The following PABPC4L variants were observed in gnomAD, a reference collection of about 807,000 sequenced individuals.
PABPC4L encodes the protein polyadenylate-binding protein 4-like.
For missense variants in PABPC4L, 452 were observed against 451.4 expected (o/e 1.00, Z -0.01); for synonymous variants, 169 against 164.1 (o/e 1.03, Z -0.23).
At chr4:134,054,056 G>T in the PABPC4L span, among the ~76,000 whole-genome samples, 15 of 151,528 alleles carry the variant, frequency 9.9e-5, no homozygotes, top group African/African-American at 3.4e-4. Context: ...CAGTGACAAA[G>T]AAGTGAGTAT....
the PABPC4L span, among the ~76,000 whole-genome samples, chr4:134,093,532 T>G: frequency 6.6e-6 from 1 of 150,732 alleles, no homozygotes; most frequent in East Asian, 2.0e-4. Context: ...ATTAAAGTCA[T>G]CAAAGACCAG....
chr4:134,087,010 A>G, the PABPC4L span, among the ~76,000 whole-genome samples: 3 of 137,512 alleles, frequency 2.2e-5, no homozygotes, highest in Non-Finnish European at 3.0e-5. Context: ...TGTCCATGTG[A>G]TCTCATTCTT....
chr4:134,010,390 AT>A, the PABPC4L span, among the ~76,000 whole-genome samples: 2 of 152,124 alleles, frequency 1.3e-5, no homozygotes, highest in African/African-American at 4.8e-5. Context: ...AATATCTGGC[AT>A]TTTTATTTTG....
At chr4:134,065,851 C>T in the PABPC4L span, among the ~76,000 whole-genome samples, 3 of 152,060 alleles carry the variant, frequency 2.0e-5, 1 homozygote, top group Non-Finnish European at 4.4e-5. Context: ...GCCAGTTATC[C>T]CAGCACCAAT....
the PABPC4L span, among the ~76,000 whole-genome samples, chr4:134,121,116 A>C: frequency 1.3e-5 from 2 of 151,224 alleles, no homozygotes; most frequent in African/African-American, 4.8e-5. Context: ...TGAGTTCTTA[A>C]TTTCAACTAT....
At chr4:134,027,191 G>A in the PABPC4L span, among the ~76,000 whole-genome samples, 1 of 152,080 alleles carries the variant, frequency 6.6e-6, no homozygotes, top group Admixed American at 6.6e-5. Context: ...CTTCTGCCTG[G>A]ATCTTTGGAA....
the PABPC4L span, among the ~76,000 whole-genome samples, chr4:133,956,143 T>A: frequency 6.6e-6 from 1 of 152,242 alleles, no homozygotes; most frequent in East Asian, 1.9e-4. Context: ...AAATTTAAAT[T>A]AATTTTGCAA....
At chr4:134,077,426 A>C in the PABPC4L span, among the ~76,000 whole-genome samples, 1 of 152,264 alleles carries the variant, frequency 6.6e-6, no homozygotes, top group Admixed American at 6.5e-5. Context: ...TCAGTGCATT[A>C]GTGTTGCAGA....
chr4:134,037,156 A>G, the PABPC4L span, among the ~76,000 whole-genome samples: 9 of 151,992 alleles, frequency 5.9e-5, no homozygotes, highest in African/African-American at 2.2e-4. Flanking sequence ...CATAAATTTT[A>G]GGATTGTCTT....
chr4:134,067,172 C>T, the PABPC4L span, among the ~76,000 whole-genome samples: 1 of 151,902 alleles, frequency 6.6e-6, no homozygotes, highest in East Asian at 1.9e-4. Flanking sequence ...TGAACTTTTG[C>T]CGGTTGGTAG....
the PABPC4L span, among the ~76,000 whole-genome samples, chr4:134,010,049 G>A: frequency 5.3e-5 from 8 of 152,126 alleles, no homozygotes; most frequent in African/African-American, 1.9e-4. Flanking sequence ...AGGGCAATTT[G>A]AGTTACTTTA....
the PABPC4L span, chr4:134,010,658 T>C: frequency 1.8e-4 from 27 of 152,170 alleles, no homozygotes; most frequent in African/African-American, 2.4e-4. Flanking sequence ...GAATTCTTCA[T>C]TGGATCCGCT....
chr4:134,121,311 T>C, the PABPC4L span, among the ~76,000 whole-genome samples: 1 of 151,608 alleles, frequency 6.6e-6, no homozygotes, highest in Non-Finnish European at 1.5e-5. Flanking sequence ...TACTTTTAAA[T>C]TTTCAGTTTA....
the PABPC4L span, among the ~76,000 whole-genome samples, chr4:134,188,690 T>C: frequency 1.3e-5 from 2 of 152,070 alleles, no homozygotes; most frequent in Non-Finnish European, 1.5e-5. Flanking sequence ...TACTCATCTA[T>C]AGATAAGGTG....
chr4:134,184,140 C>T, the PABPC4L span, among the ~76,000 whole-genome samples: 49 of 151,842 alleles, frequency 3.2e-4, no homozygotes, highest in Non-Finnish European at 6.9e-4. Context: ...GACTGGTTAA[C>T]CAGACTAATG....
chr4:134,201,353 A>T (rs1055750435), intron 1 of PABPC4L, 108 bp from the exon 2 acceptor site: 6 of 1,186,568 alleles, frequency 5.1e-6, no homozygotes, highest in Admixed American at 3.4e-5. Flanking sequence ...TTCTCCACAG[A>T]CGCCCTGGTC....
chr4:134,011,601 A>G, the PABPC4L span, among the ~76,000 whole-genome samples: 1 of 152,116 alleles, frequency 6.6e-6, no homozygotes, highest in Non-Finnish European at 1.5e-5. Context: ...CATATTTTCT[A>G]TAATTATGAA....
chr4:134,108,446 T>G, the PABPC4L span, among the ~76,000 whole-genome samples: 1 of 151,856 alleles, frequency 6.6e-6, no homozygotes, highest in Admixed American at 6.6e-5. Flanking sequence ...AATTGAACCC[T>G]TGGGTCTGAC....
the PABPC4L span, among the ~76,000 whole-genome samples, chr4:134,125,600 T>A: frequency 6.6e-6 from 1 of 152,218 alleles, no homozygotes; most frequent in East Asian, 1.9e-4. Flanking sequence ...CATGAAACAA[T>A]AAACAAAGAA....
Sources: allele counts gnomAD v4.1 joint callset (sites outside exome capture counted in the v4.1 genomes callset), GRCh38; gene constraint gnomAD v4.1.1; transcripts MANE v1.5; gene names NCBI Gene and HGNC (gene_info 2026-07-23, HGNC 2026-07-21).